Variants in KIF2C observed in about 807,000 individuals in gnomAD.
KIF2C encodes kinesin-like protein KIF2C.
Under a neutral mutation model 97.4 loss-of-function variants are expected in KIF2C, and 34 were observed. That is an observed-to-expected ratio of 0.35 (90% confidence interval 0.27 to 0.46). The LOEUF is 0.46. Among genes scored for constraint, KIF2C ranks in the 20% least tolerant of loss-of-function variants. The pLI, the probability that KIF2C is intolerant of heterozygous loss-of-function variation, is 1.00. For missense variants in KIF2C, 750 were observed against 907.6 expected (o/e 0.83, Z 2.23); for synonymous variants, 313 against 318.2 (o/e 0.98, Z 0.17).
intron 2 of KIF2C, 145 bp downstream of exon 2, chr1:44,741,152 A>G (rs1179825988): frequency 3.4e-6 from 2 of 595,550 alleles, no homozygotes; most frequent in African/African-American, 1.9e-5. Context: ...GGAGGCTGAG[A>G]CGGGCAGATC....
intron 16 of KIF2C, among the ~76,000 whole-genome samples, chr1:44,761,298 CCA>C (rs909878420): frequency 6.6e-6 from 1 of 152,148 alleles, no homozygotes; most frequent in African/African-American, 2.4e-5. Flanking sequence ...CCAGCAGAAG[CCA>C]CAGAGCTTTA....
Position 44,739,948 on chromosome 1 carries a change from T to A in KIF2C, c.16T>A (p.Ser6Thr). 1 of 1,614,214 alleles carries A rather than the reference T, an allele frequency of 6.2e-7. No homozygotes were observed. Among genetic ancestry groups the A allele is most frequent in the Non-Finnish European group, 8.5e-7 (1 of 1,180,030 alleles). The change falls in exon 1 of 21, where the codon TCG (serine) becomes ACG (threonine). Residue 6 changes from serine to threonine, a missense_variant. Coordinates refer to ENST00000372224, the MANE Select transcript of KIF2C (RefSeq NM_006845.4). MAMDSSLQARLFPGLA... is the reference protein window; with the variant it reads MAMDSTLQARLFPGLA... ...GACTCTCCGAATGGCCATGGACTCG[T>A]CGCTTCAGGCCCGCCTGTTTCCCGG...
intron 2 of KIF2C, among the ~76,000 whole-genome samples, chr1:44,741,722 C>T (rs12078238): frequency 1.3e-5 from 2 of 151,992 alleles, no homozygotes; most frequent in African/African-American, 4.8e-5. Flanking sequence ...GGCACAGTGG[C>T]TCACATGTAT....
At chr1:44,742,578 G>A (rs763717549) in intron 2 of KIF2C, among the ~76,000 whole-genome samples, 19 of 152,088 alleles carry the variant, frequency 1.2e-4, no homozygotes, top group Non-Finnish European at 2.5e-4. Context: ...AATTAGCTGG[G>A]TGTGGTGGCA....
At chr1:44,758,834 C>G (rs1375575373) in intron 13 of KIF2C, among the ~76,000 whole-genome samples, 2 of 152,164 alleles carry the variant, frequency 1.3e-5, no homozygotes, top group Non-Finnish European at 2.9e-5. Context: ...CGTGATCGCA[C>G]CATTGCACTC....
At chr1:44,765,511 G>A (rs1650411821) in intron 19 of KIF2C, among the ~76,000 whole-genome samples, 1 of 152,096 alleles carries the variant, frequency 6.6e-6, no homozygotes, top group African/African-American at 2.4e-5. Flanking sequence ...CAGAATTGAG[G>A]AGGATTTGGT....
intron 2 of KIF2C, among the ~76,000 whole-genome samples, chr1:44,745,945 C>T (rs1649172981): frequency 2.0e-5 from 3 of 151,736 alleles, no homozygotes; most frequent in South Asian, 2.1e-4. Flanking sequence ...GGCGGGATCT[C>T]GGCTCACTGC....
At chr1:44,756,268 T>C in intron 10 of KIF2C, 31 bp downstream of exon 10, 1 of 1,607,072 alleles carries the variant, frequency 6.2e-7, no homozygotes, top group Non-Finnish European at 8.5e-7. Context: ...TTTCCCTCCT[T>C]GTGCCCTTCC....
In KIF2C at chr1:44,754,803, T is replaced by G. The variant is rs772190093; in HGVS notation, c.717T>G (p.Phe239Leu). 7 of 1,613,652 alleles carry G rather than the reference T, an allele frequency of 4.3e-6. No homozygotes were observed. The highest frequency in any genetic ancestry group is 2.2e-5 in the South Asian group (2 of 91,068). Reference sequence around the variant, plus strand: ...AATTTGCCCGAATGATTAAAGAATTTCGGGCTACTTTGGAATGTCATCCAC... The same window carrying G: ...AATTTGCCCGAATGATTAAAGAATTGCGGGCTACTTTGGAATGTCATCCAC... The part of the protein sequence containing the change: ...NWEFARMIKE[F>L]RATLECHPLT... The change falls in exon 8 of 21, where the codon TTT (phenylalanine) becomes TTG (leucine). Residue 239 changes from phenylalanine to leucine, a missense_variant. By Grantham distance (22) the Phe-to-Leu change is conservative. Coordinates refer to ENST00000372224, the MANE Select transcript of KIF2C (RefSeq NM_006845.4).
intron 5 of KIF2C, among the ~76,000 whole-genome samples, chr1:44,751,349 C>A (rs538142986): frequency 6.6e-6 from 1 of 152,188 alleles, no homozygotes; most frequent in African/African-American, 2.4e-5. Flanking sequence ...GCATGTGCCA[C>A]CACGCCCGGC....
intron 8 of KIF2C, 71 bp downstream of exon 8, chr1:44,754,916 A>T (rs1443010426): frequency 2.2e-6 from 2 of 908,940 alleles, no homozygotes; most frequent in Non-Finnish European, 1.8e-6. Context: ...CTTTACAGGA[A>T]TGAGGGCATG....
intron 13 of KIF2C, 95 bp downstream of exon 13, chr1:44,758,235 CT>C: frequency 2.6e-6 from 1 of 378,274 alleles, no homozygotes; most frequent in Non-Finnish European, 3.8e-6. Flanking sequence ...AACCTATTAG[CT>C]GATTAGCTGT....
chr1:44,763,149 T>C (rs1020398516), intron 19 of KIF2C, among the ~76,000 whole-genome samples: 3 of 151,662 alleles, frequency 2.0e-5, no homozygotes, highest in Non-Finnish European at 4.4e-5. Flanking sequence ...CAAGGTAGGA[T>C]GGTTGTATTT....
chr1:44,752,692 C>T (rs1252092294), intron 5 of KIF2C, among the ~76,000 whole-genome samples: 2 of 152,140 alleles, frequency 1.3e-5, no homozygotes, highest in Non-Finnish European at 2.9e-5. Context: ...TGTATTGAAT[C>T]AATCTGGTTA....
intron 16 of KIF2C, among the ~76,000 whole-genome samples, chr1:44,761,618 A>G (rs1389958526): frequency 6.7e-6 from 1 of 149,826 alleles, no homozygotes; most frequent in Non-Finnish European, 1.5e-5. Context: ...AAAAAAAAAA[A>G]AGAAAAAAGA....
intron 2 of KIF2C, among the ~76,000 whole-genome samples, chr1:44,745,762 G>GC (rs1649162593): frequency 6.7e-6 from 1 of 150,194 alleles, no homozygotes; most frequent in Admixed American, 6.6e-5. Flanking sequence ...GAGCCACCAC[G>GC]CCCGGCCTAT....
At chr1:44,740,059 T>G in intron 1 of KIF2C, 57 bp downstream of exon 1, 1 of 1,591,668 alleles carries the variant, frequency 6.3e-7, no homozygotes, top group Non-Finnish European at 8.6e-7. Flanking sequence ...CGACTGAAAT[T>G]ACTGCCCGTC....
intron 11 of KIF2C, 115 bp from the exon 12 acceptor site, chr1:44,757,793 G>A: frequency 8.3e-7 from 1 of 1,199,356 alleles, no homozygotes. Context: ...TGCAGGGAGG[G>A]GCTTTAGGTC....
chr1:44,762,701 C>A, intron 19 of KIF2C, 43 bp downstream of exon 19: 3 of 1,257,862 alleles, frequency 2.4e-6, no homozygotes, highest in Non-Finnish European at 3.5e-6. Flanking sequence ...GCAGCACGGC[C>A]CTCAGTATGC....
Sources: gnomAD v4.1 joint callset for allele counts (sites outside exome capture counted in the v4.1 genomes callset) on GRCh38, gnomAD v4.1.1 for gene constraint, MANE v1.5 for transcripts, NCBI Gene and HGNC (gene_info 2026-07-23, HGNC 2026-07-21) for gene names.